The following THADA variants were observed in gnomAD, a reference collection of about 807,000 sequenced individuals.
THADA encodes tRNA (32-2'-O)-methyltransferase regulator THADA.
Under a neutral mutation model 219.8 loss-of-function variants are expected in THADA, and 213 were observed. That is an observed-to-expected ratio of 0.97 (90% CI 0.87 to 1.09). The LOEUF is 1.09. Among genes scored for constraint, THADA ranks in the 50% least tolerant of loss-of-function variants. THADA has a pLI of 0.00. For synonymous variants in THADA, 1,018 were observed against 828.9 expected (o/e 1.23, Z -3.92); for missense variants, 2,956 against 2,311.3 (o/e 1.28, Z -5.72).
rs1667335360 is a variant in THADA at position 43,230,917 on chromosome 2, C to T, written c.*31G>A. The T allele has an allele frequency of 6.4e-7, 1 of 1,570,868 alleles. No homozygotes were observed. Among genetic ancestry groups the T allele is most frequent in the Admixed American group, 1.8e-5 (1 of 55,502 alleles). ...AGATTTAGTGGAGGAAAAATCCACA[C>T]ATACCCCCATCCCAATCCCCCAGAT... On this transcript the variant is annotated 3_prime_UTR_variant, in exon 38 of 38. Coordinates refer to ENST00000405975, the MANE Select transcript of THADA (RefSeq NM_022065.5).
At chr2:43,450,348 G>C (rs1398696903) in intron 26 of THADA, among the ~76,000 whole-genome samples, 1 of 152,068 alleles carries the variant, frequency 6.6e-6, no homozygotes, top group Non-Finnish European at 1.5e-5. Context: ...TGTGACATCG[G>C]TAACTGAAAG....
intron 33 of THADA, 124 bp downstream of exon 33, chr2:43,291,980 C>A (rs1004374328): frequency 2.6e-6 from 2 of 773,884 alleles, no homozygotes; most frequent in Non-Finnish European, 4.1e-6. Context: ...AACTCTTAGG[C>A]TGAGGTTTAG....
intron 36 of THADA, among the ~76,000 whole-genome samples, chr2:43,278,400 C>A (rs1452691731): frequency 2.0e-5 from 3 of 152,184 alleles, no homozygotes; most frequent in African/African-American, 7.2e-5. Context: ...GGGCTGGGTG[C>A]GGAATCTACT....
chr2:43,450,001 C>G (rs1403158123), intron 26 of THADA, among the ~76,000 whole-genome samples: 3 of 152,150 alleles, frequency 2.0e-5, no homozygotes, highest in Non-Finnish European at 2.9e-5. Flanking sequence ...TTCAGTACCA[C>G]TAGACTTGCC....
intron 29 of THADA, among the ~76,000 whole-genome samples, chr2:43,351,814 G>A (rs1668299998): frequency 6.6e-6 from 1 of 152,206 alleles, no homozygotes; most frequent in Non-Finnish European, 1.5e-5. Flanking sequence ...ATTGACAAGA[G>A]AGAAAGTATA....
chr2:43,354,170 G>A (rs1024021371), intron 29 of THADA, among the ~76,000 whole-genome samples: 2 of 151,618 alleles, frequency 1.3e-5, no homozygotes, highest in African/African-American at 4.8e-5. Flanking sequence ...TGACCAGGCT[G>A]GTCTTGAACT....
chr2:43,407,333 TAGA>T (rs1675687258), intron 28 of THADA, among the ~76,000 whole-genome samples: 1 of 152,206 alleles, frequency 6.6e-6, no homozygotes, highest in South Asian at 2.1e-4. Context: ...TATATATAGA[TAGA>T]AGGTTTAGAA....
chr2:43,495,022 C>T (rs988443258), intron 25 of THADA, among the ~76,000 whole-genome samples: 10 of 152,140 alleles, frequency 6.6e-5, no homozygotes, highest in African/African-American at 2.4e-4. Context: ...ATGTAGCCAG[C>T]TTTAGGCACA....
At chr2:43,439,812 A>G (rs921260913) in intron 26 of THADA, among the ~76,000 whole-genome samples, 5 of 152,132 alleles carry the variant, frequency 3.3e-5, no homozygotes, top group African/African-American at 1.2e-4. Flanking sequence ...GTAATGTTCT[A>G]TTTCTTAAAC....
intron 24 of THADA, among the ~76,000 whole-genome samples, chr2:43,503,499 T>C (rs954432189): frequency 3.3e-5 from 5 of 152,186 alleles, no homozygotes; most frequent in South Asian, 2.1e-4. Flanking sequence ...TTGGGAATGA[T>C]AGTCACTAAT....
intron 21 of THADA, among the ~76,000 whole-genome samples, chr2:43,535,360 C>G (rs907104256): frequency 6.6e-6 from 1 of 151,010 alleles, no homozygotes; most frequent in East Asian, 1.9e-4. Context: ...TTTTTGTTGT[C>G]TATGCTTTTG....
At chr2:43,570,883 T>C (rs935541628) in intron 13 of THADA, among the ~76,000 whole-genome samples, 3 of 152,220 alleles carry the variant, frequency 2.0e-5, no homozygotes, top group African/African-American at 7.2e-5. Context: ...TTACCAAGTT[T>C]TCTTAAAACT....
chr2:43,547,544 T>G (rs1467057029), intron 20 of THADA, among the ~76,000 whole-genome samples: 3 of 152,216 alleles, frequency 2.0e-5, no homozygotes, highest in Non-Finnish European at 4.4e-5. Flanking sequence ...GTCCCATATT[T>G]CTTGGAGGCT....
chr2:43,521,576 G>A (rs1692492526), intron 22 of THADA, among the ~76,000 whole-genome samples: 1 of 152,152 alleles, frequency 6.6e-6, no homozygotes, highest in South Asian at 2.1e-4. Flanking sequence ...TAAGGGGTTT[G>A]TTGTTGCTGT....
intron 29 of THADA, among the ~76,000 whole-genome samples, chr2:43,373,517 C>G (rs1671036392): frequency 6.6e-6 from 1 of 151,874 alleles, no homozygotes. Flanking sequence ...ACTCTGTCTC[C>G]CAGGCTTGGA....
At chr2:43,573,266 A>C (rs1699494579) in intron 11 of THADA, among the ~76,000 whole-genome samples, 1 of 152,196 alleles carries the variant, frequency 6.6e-6, no homozygotes, top group African/African-American at 2.4e-5. Context: ...TTTTTCCCTA[A>C]CACCTAGAAA....
At chr2:43,307,638 G>C (rs1677018402) in intron 31 of THADA, among the ~76,000 whole-genome samples, 1 of 152,194 alleles carries the variant, frequency 6.6e-6, no homozygotes, top group Non-Finnish European at 1.5e-5. Flanking sequence ...CTCCTCTTTG[G>C]ATTGAACCCA....
intron 28 of THADA, among the ~76,000 whole-genome samples, chr2:43,424,303 G>A (rs1437390655): frequency 6.6e-6 from 1 of 152,146 alleles, no homozygotes; most frequent in Non-Finnish European, 1.5e-5. Flanking sequence ...TCTTCTCATT[G>A]TGCAATTCAC....
At chr2:43,257,889 G>GAA (rs1056677209) in intron 36 of THADA, among the ~76,000 whole-genome samples, 2 of 152,318 alleles carry the variant, frequency 1.3e-5, no homozygotes, top group South Asian at 4.1e-4. Context: ...GACTAAAAGA[G>GAA]AAAGTCCAGA....
Sources: allele counts gnomAD v4.1 joint callset (sites outside exome capture counted in the v4.1 genomes callset), GRCh38; gene constraint gnomAD v4.1.1; transcripts MANE v1.5; gene names NCBI Gene and HGNC (gene_info 2026-07-23, HGNC 2026-07-21).